KANK1: variants seen among roughly 807,000 people sequenced by gnomAD.
The protein encoded by KANK1 is KN motif and ankyrin repeat domains 1.
A neutral mutation model predicts 106.2 loss-of-function variants in KANK1; 109 were observed. The ratio of observed to expected loss-of-function variants is 1.03; its 90% CI spans 0.88 to 1.20. KANK1 has a LOEUF of 1.20. Among genes scored for constraint, KANK1 ranks in the 50% most tolerant of loss-of-function variants. KANK1 has a pLI of 0.00. For synonymous variants in KANK1, 873 were observed against 652.2 expected (o/e 1.34, Z -5.16); for missense variants, 2,399 against 1,710.7 (o/e 1.40, Z -7.10).
chr9:534,575 T>C (rs1273820985), intron 1 of KANK1, among the ~76,000 whole-genome samples: 1 of 152,258 alleles, frequency 6.6e-6, no homozygotes, highest in Non-Finnish European at 1.5e-5. Context: ...AGTTTTATCT[T>C]GATCACTCCT....
At chr9:547,792 T>G (rs958746349) in intron 1 of KANK1, among the ~76,000 whole-genome samples, 1 of 152,208 alleles carries the variant, frequency 6.6e-6, no homozygotes, top group Non-Finnish European at 1.5e-5. Flanking sequence ...GTAAAACACA[T>G]TTCTGCAGTG....
At chr9:520,444 C>G (rs1249709616) in intron 1 of KANK1, among the ~76,000 whole-genome samples, 2 of 151,762 alleles carry the variant, frequency 1.3e-5, no homozygotes, top group African/African-American at 2.4e-5. Flanking sequence ...TGAAGAAAGT[C>G]ATATGGCCAG....
intron 1 of KANK1, among the ~76,000 whole-genome samples, chr9:554,055 G>A (rs921704267): frequency 6.6e-6 from 1 of 151,934 alleles, no homozygotes; most frequent in Admixed American, 6.5e-5. Flanking sequence ...GCTGTATGAG[G>A]GTTCTCCAAA....
intron 3 of KANK1, among the ~76,000 whole-genome samples, chr9:728,849 C>G (rs1056871008): frequency 1.3e-5 from 2 of 152,210 alleles, no homozygotes; most frequent in Non-Finnish European, 2.9e-5. Context: ...ATCTTTGAAT[C>G]TACCGAAGAC....
intron 1 of KANK1, chr9:660,392 C>G (rs955974775): frequency 6.1e-5 from 10 of 164,468 alleles, no homozygotes; most frequent in African/African-American, 2.4e-4. Context: ...CTTTCTGTCC[C>G]TTGTCACAAG....
intron 3 of KANK1, among the ~76,000 whole-genome samples, chr9:476,933 C>T (rs551196624): frequency 1.3e-5 from 2 of 152,164 alleles, no homozygotes; most frequent in Non-Finnish European, 2.9e-5. Context: ...TGTGTCTCCC[C>T]GAAATTAGCT....
chr9:662,675 T>G (rs184225352), intron 1 of KANK1, among the ~76,000 whole-genome samples: 1 of 151,726 alleles, frequency 6.6e-6, no homozygotes, highest in East Asian at 1.9e-4. Context: ...ATTTTTTTTT[T>G]TTTTGAGACA....
chr9:718,457 T>A (rs537571230), intron 3 of KANK1, among the ~76,000 whole-genome samples: 1 of 149,222 alleles, frequency 6.7e-6, no homozygotes, highest in Non-Finnish European at 1.5e-5. Flanking sequence ...GGACTACAGG[T>A]GCATGCCACC....
Position 729,088 on chromosome 9 carries a change from T to C in KANK1, c.2699-963T>C. ...CCTCTTTTTTACAGAGTTTGACTCT[T>C]TTCATTGACATATCTGTATACATTA... On this transcript the variant is annotated intron_variant, in intron 3 of 11. Coordinates refer to ENST00000382297, the MANE Select transcript of KANK1 (RefSeq NM_015158.5). 1.3e-5 allele frequency among the ~76,000 whole-genome samples: 2 copies of C among 152,210 alleles called. 1 individual carries two copies. The highest frequency in any genetic ancestry group is 3.8e-4 in the East Asian group (2 of 5,202).
rs966189216 is a variant in KANK1, at chr9:626,753, G to A, written c.-83-50137G>A. Among the ~76,000 whole-genome samples, 6 of 152,206 alleles carry A rather than the reference G, an allele frequency of 3.9e-5. No individual in the cohort carries two copies. The East Asian group carries it at 9.6e-4, about 24-fold the overall frequency. On this transcript the variant is annotated intron_variant, in intron 1 of 11. Coordinates refer to ENST00000382297, the MANE Select transcript of KANK1 (RefSeq NM_015158.5). Reference sequence around the variant, plus strand: ...ATATTTGTGCTTAAACAAGCACACAGTACTCTCACATCCACCCTCGGTCTC... The same window carrying A: ...ATATTTGTGCTTAAACAAGCACACAATACTCTCACATCCACCCTCGGTCTC...
chr9:741,706 C>G (rs565230689), intron 9 of KANK1, among the ~76,000 whole-genome samples: 12 of 152,186 alleles, frequency 7.9e-5, no homozygotes, highest in Non-Finnish European at 1.6e-4. Context: ...CCAGGATGGT[C>G]TTGATCTCCT....
intron 3 of KANK1, among the ~76,000 whole-genome samples, chr9:716,647 G>A (rs1370986741): frequency 2.0e-5 from 3 of 152,134 alleles, no homozygotes; most frequent in Non-Finnish European, 2.9e-5. Flanking sequence ...TCCTAGAGTT[G>A]AAGATTTGAT....
intron 1 of KANK1, among the ~76,000 whole-genome samples, chr9:591,801 G>C (rs1053149696): frequency 1.3e-5 from 2 of 151,674 alleles, no homozygotes; most frequent in African/African-American, 4.9e-5. Flanking sequence ...TGGGATTACA[G>C]GTGCCCACTA....
At chr9:517,443 G>A (rs1447530776) in intron 1 of KANK1, among the ~76,000 whole-genome samples, 2 of 148,184 alleles carry the variant, frequency 1.3e-5, no homozygotes, top group Non-Finnish European at 2.9e-5. Context: ...TTAGTTTTTA[G>A]GCTAATAAAG....
chr9:599,101 C>G (rs1301951012), intron 1 of KANK1, among the ~76,000 whole-genome samples: 2 of 150,086 alleles, frequency 1.3e-5, no homozygotes, highest in Admixed American at 1.3e-4. Context: ...TCACCACAGC[C>G]TCCACCTCCC....
At chr9:650,458 C>G (rs543819360) in intron 1 of KANK1, among the ~76,000 whole-genome samples, 2 of 152,144 alleles carry the variant, frequency 1.3e-5, no homozygotes, top group South Asian at 4.1e-4. Flanking sequence ...TATGTAGATT[C>G]TTACTCCTGG....
At chr9:736,592 G>A (rs893901516) in intron 7 of KANK1, among the ~76,000 whole-genome samples, 4 of 151,994 alleles carry the variant, frequency 2.6e-5, no homozygotes, top group African/African-American at 9.7e-5. Context: ...CTAGCTACTT[G>A]GGAGGCTGAG....
intron 1 of KANK1, among the ~76,000 whole-genome samples, chr9:541,830 C>T (rs1338904205): frequency 6.6e-6 from 1 of 152,182 alleles, no homozygotes; most frequent in Non-Finnish European, 1.5e-5. Flanking sequence ...TGGCTCACGC[C>T]TGTAATCCCA....
At chr9:656,531 T>C (rs1197173026) in intron 1 of KANK1, among the ~76,000 whole-genome samples, 1 of 152,160 alleles carries the variant, frequency 6.6e-6, no homozygotes, top group Non-Finnish European at 1.5e-5. Context: ...ACCATACTGC[T>C]ATTCTCCAAG....
Sources: allele counts gnomAD v4.1 joint callset (sites outside exome capture counted in the v4.1 genomes callset), GRCh38; gene constraint gnomAD v4.1.1; transcripts MANE v1.5; gene names NCBI Gene and HGNC (gene_info 2026-07-23, HGNC 2026-07-21).